The following STRN3 variants were observed in gnomAD, a reference collection of about 807,000 sequenced individuals.
The protein encoded by STRN3 is striatin 3.
Under a neutral mutation model 95.6 loss-of-function variants are expected in STRN3, and 29 were observed. That is an observed-to-expected ratio of 0.30 (90% CI 0.23 to 0.41). STRN3 has a LOEUF of 0.41. STRN3 is among the 10% of genes least tolerant of loss of function. The pLI is 1.00. For synonymous variants in STRN3, 331 were observed against 357.6 expected (o/e 0.93, Z 0.84); for missense variants, 890 against 972.1 (o/e 0.92, Z 1.12).
At chr14:30,956,033 A>T in intron 2 of STRN3, 106 bp downstream of exon 2, 2 of 855,150 alleles carry the variant, frequency 2.3e-6, no homozygotes, top group South Asian at 3.8e-5. Flanking sequence ...GTATTCGGGC[A>T]AGGATTTGTA....
chr14:31,020,032 T>A (rs1883430926), intron 1 of STRN3, among the ~76,000 whole-genome samples: 2 of 152,008 alleles, frequency 1.3e-5, no homozygotes, highest in South Asian at 4.1e-4. Flanking sequence ...CAGTTCACAG[T>A]TTAAATGAAG....
At chr14:31,020,598 C>T (rs1883459161) in intron 1 of STRN3, among the ~76,000 whole-genome samples, 1 of 151,998 alleles carries the variant, frequency 6.6e-6, no homozygotes, top group African/African-American at 2.4e-5. Flanking sequence ...CAGCATTCTG[C>T]TAATTTGTTG....
intron 16 of STRN3, among the ~76,000 whole-genome samples, chr14:30,896,916 T>C (rs1046751113): frequency 7.9e-5 from 12 of 152,344 alleles, no homozygotes; most frequent in Admixed American, 6.5e-4. Context: ...CAAAGTTGTA[T>C]TGCACAAATA....
chr14:30,910,606 A>G (rs1262575870), intron 13 of STRN3, among the ~76,000 whole-genome samples: 1 of 151,886 alleles, frequency 6.6e-6, no homozygotes, highest in Non-Finnish European at 1.5e-5. Context: ...GAAATTAAGA[A>G]TGTTTTTGTA....
chr14:30,934,602 C>G (rs1423218512), intron 7 of STRN3, among the ~76,000 whole-genome samples: 4 of 152,208 alleles, frequency 2.6e-5, no homozygotes, highest in Admixed American at 2.0e-4. Context: ...AAAGTTTAGG[C>G]CCTAACATTT....
At chr14:30,935,998 GC>G (rs1465715396) in intron 6 of STRN3, among the ~76,000 whole-genome samples, 1 of 152,170 alleles carries the variant, frequency 6.6e-6, no homozygotes, top group Non-Finnish European at 1.5e-5. Context: ...GGCTTCTACA[GC>G]AAGCCCCTCA....
chr14:30,921,498 C>A (rs1390006169), intron 8 of STRN3, among the ~76,000 whole-genome samples: 1 of 152,184 alleles, frequency 6.6e-6, no homozygotes, highest in Non-Finnish European at 1.5e-5. Flanking sequence ...GGAAATGATG[C>A]AACTTCCCTG....
intron 7 of STRN3, among the ~76,000 whole-genome samples, chr14:30,929,965 A>AC (rs79477795): frequency 0.033 from 4,763 of 143,192 alleles, 200 homozygotes; most frequent in East Asian, 0.058. Context: ...AAAAAAAAAA[A>AC]AAAAAAAAAA....
chr14:30,923,736 G>T (rs1380844459), intron 8 of STRN3, among the ~76,000 whole-genome samples: 1 of 152,064 alleles, frequency 6.6e-6, no homozygotes, highest in Non-Finnish European at 1.5e-5. Flanking sequence ...AAGAATAACA[G>T]CTCCTATCAA....
chr14:30,935,250 C>A lies in STRN3; in HGVS notation c.901G>T (p.Ala301Ser), dbSNP rs754222515. ...ACTAAAAAATCAAATTCTTTCAGTG[C>A]TTCCTCAGTATCAGGATCGTCAGTT... ...DLTDDPDTEE[A>S]LKEFDFLVTA... is the part of the protein sequence containing the mutation. Residue 301 changes from alanine to serine, a missense_variant, in exon 7 of 18, where the codon GCA becomes TCA. By Grantham distance (99) the Ala-to-Ser change is moderately conservative (BLOSUM62 1). Around this residue, in one of 3 missense-constraint regions of STRN3, gnomAD observed 526 missense variants for 526.3 expected, o/e 1.00. Transcript: ENST00000357479. The A allele has an allele frequency of 1.9e-6, 3 of 1,614,124 alleles. No individual in the cohort carries two copies. Among genetic ancestry groups the A allele is most frequent in the Non-Finnish European group, 2.5e-6 (3 of 1,179,998 alleles).
intron 7 of STRN3, among the ~76,000 whole-genome samples, chr14:30,933,294 A>AAAC (rs1255888309): frequency 2.5e-4 from 37 of 150,322 alleles, no homozygotes; most frequent in Non-Finnish European, 5.2e-4. Flanking sequence ...AAAAAAAAAA[A>AAAC]AAAAAAAAAA....
chr14:30,957,090 G>A lies in STRN3; in HGVS notation c.283-848C>T, dbSNP rs528993637. Reference sequence around the variant, plus strand: ...GGAGAATCGCTTGAACCTGGGAGGCGGAAGCTGCAGTGAGCCGAGATGGTG... The same window carrying A: ...GGAGAATCGCTTGAACCTGGGAGGCAGAAGCTGCAGTGAGCCGAGATGGTG... On this transcript the variant is annotated intron_variant, in intron 1 of 17. Coordinates refer to ENST00000357479, the MANE Select transcript of STRN3 (RefSeq NM_001083893.2). 9.9e-5 allele frequency among the ~76,000 whole-genome samples: 15 copies of A among 152,230 alleles called. No homozygotes were observed. The South Asian group carries it at 2.7e-3, about 27-fold the overall frequency.
At chr14:30,962,920 T>C (rs950433245) in intron 1 of STRN3, among the ~76,000 whole-genome samples, 20 of 152,148 alleles carry the variant, frequency 1.3e-4, no homozygotes, top group Admixed American at 7.2e-4. Context: ...TTCAGTACAG[T>C]AACATGCTAT....
chr14:30,994,179 C>T (rs913467154), intron 1 of STRN3, among the ~76,000 whole-genome samples: 4 of 151,772 alleles, frequency 2.6e-5, no homozygotes, highest in South Asian at 2.1e-4. Flanking sequence ...CCTGGCGAGA[C>T]GGGGTTTCAA....
chr14:30,904,659 AAATG>A (rs962139514), intron 15 of STRN3, among the ~76,000 whole-genome samples: 46 of 152,188 alleles, frequency 3.0e-4, no homozygotes, highest in Non-Finnish European at 3.7e-4. Flanking sequence ...TTTCAATAGA[AAATG>A]AATGAACCCA....
intron 1 of STRN3, among the ~76,000 whole-genome samples, chr14:31,013,780 G>A (rs200472262): frequency 2.4e-5 from 2 of 84,256 alleles, no homozygotes; most frequent in Non-Finnish European, 5.0e-5. Flanking sequence ...CTGTAGAAAC[G>A]GGGGGGGTCT....
intron 1 of STRN3, among the ~76,000 whole-genome samples, chr14:31,019,886 C>CTTTTTTTTTTTTTTTTTTTTTTT (rs67956918): frequency 2.1e-5 from 3 of 143,048 alleles, no homozygotes; most frequent in Non-Finnish European, 3.0e-5. Flanking sequence ...CACTCATTTT[C>CTTTTTTTTTTTTTTTTTTTTTTT]TTTTTTTTTT....
intron 1 of STRN3, among the ~76,000 whole-genome samples, chr14:30,968,019 G>A (rs1199071928): frequency 6.6e-6 from 1 of 152,128 alleles, no homozygotes; most frequent in Non-Finnish European, 1.5e-5. Flanking sequence ...TCAAACGTGT[G>A]AGCTATTTGC....
Position 30,902,392 on chromosome 14 carries a change from A to G in STRN3, c.2137+144T>C, listed in dbSNP as rs886806118. 5.3e-6 allele frequency: 3 copies of G among 562,114 alleles called. No homozygotes were observed. In the African/African-American group the frequency reaches 5.9e-5, roughly 11 times the overall value. 34.8% of individuals were successfully genotyped at this position (562,114 alleles called of 1,614,324 possible). ...AAATAACAAATCATAAGCGTGCAAC[A>G]TTAAGAAAAGCAAAAATCTGAGTTA... is the stretch of plus-strand genomic sequence containing the variant. On this transcript the variant is annotated intron_variant, in intron 16 of 17. Transcript: ENST00000357479.
Sources: gnomAD v4.1 joint callset for allele counts (sites outside exome capture counted in the v4.1 genomes callset) on GRCh38, gnomAD v4.1.1 for gene constraint, gnomAD v4.1.1 regional missense constraint, MANE v1.5 for transcripts, NCBI Gene and HGNC (gene_info 2026-07-23, HGNC 2026-07-21) for gene names.